MAVS: variants seen among roughly 807,000 people sequenced by gnomAD.
MAVS encodes mitochondrial antiviral signaling protein, also known as mitochondrial antiviral-signaling protein.
A neutral mutation model predicts 30.2 loss-of-function variants in MAVS; 20 were observed. That is an observed-to-expected ratio of 0.66 (90% CI 0.47 to 0.96). The LOEUF is 0.96. Ranked by LOEUF, MAVS falls within the 40% of genes least tolerant of loss-of-function variation. MAVS has a pLI of 0.00. For synonymous variants in MAVS, 278 were observed against 293.9 expected (o/e 0.95, Z 0.55); for missense variants, 624 against 701.1 (o/e 0.89, Z 1.24).
chr20:3,854,893 T>TTC (rs1417706851), intron 2 of MAVS, 152 bp downstream of exon 2: 122 of 314,354 alleles, frequency 3.9e-4, no homozygotes, highest in South Asian at 3.1e-3. Context: ...CTGCTTTTCT[T>TTC]TTTTTTTTTT....
intron 3 of MAVS, among the ~76,000 whole-genome samples, chr20:3,860,038 C>T (rs931250373): frequency 1.3e-5 from 2 of 152,070 alleles, no homozygotes; most frequent in African/African-American, 2.4e-5. Flanking sequence ...AGGATGGTCT[C>T]GATCTCCTGA....
In MAVS at chr20:3,865,830, T is replaced by C. The variant is rs2089902738; in HGVS notation, c.1306T>C (p.Phe436Leu). The change falls in exon 7 of 7, where the codon TTC becomes CTC. Residue 436 changes from phenylalanine to leucine, a missense_variant. By Grantham distance (22) the Phe-to-Leu change is conservative. Transcript: ENST00000428216. This position sits in a 1 kb window ranked among gnomAD's most constrained non-coding sequence, Gnocchi z 4.7. ...GGTAGACAGCCCGTTCTCGGGCTGCTTCGAGGATCTTGCCATCAGTGCCAG... is the reference window on the plus strand; with the variant it reads ...GGTAGACAGCCCGTTCTCGGGCTGCCTCGAGGATCTTGCCATCAGTGCCAG... ...SQVDSPFSGC[F>L]EDLAISASTS... 1 of 1,613,912 alleles carries C rather than the reference T, an allele frequency of 6.2e-7. No homozygotes were observed. The highest frequency in any genetic ancestry group is 1.7e-5 in the Admixed American group (1 of 60,006).
At chr20:3,847,094 T>G (rs1480094480) in intron 1 of MAVS, among the ~76,000 whole-genome samples, 191 bp downstream of exon 1, 1 of 152,108 alleles carries the variant, frequency 6.6e-6, no homozygotes, top group East Asian at 1.9e-4. Context: ...TCGGGAACAC[T>G]GAGGGCTCCA....
intron 1 of MAVS, among the ~76,000 whole-genome samples, chr20:3,847,498 C>A (rs1399726422): frequency 6.6e-6 from 1 of 152,234 alleles, no homozygotes; most frequent in Non-Finnish European, 1.5e-5. Context: ...AACACTCTGT[C>A]ACCTACTTCC....
In MAVS at chr20:3,871,511, CCCACTGAGGCAGGGGCTT is replaced by C. The variant is rs2089955649; in HGVS notation, c.*5370_*5387del. On this transcript the variant is annotated 3_prime_UTR_variant, in exon 7 of 7. Coordinates refer to ENST00000428216, the MANE Select transcript of MAVS (RefSeq NM_020746.5). ...ATGGGTGTGTCCAGTGGCAGTTTGC[CCCACTGAGGCAGGGGCTT>C]CCACTAGGCCCTGACAGAGCCCTTC... 6.6e-6 allele frequency: 1 copy of C among 152,488 alleles called. No individual in the cohort carries two copies. The allele number at this position is 152,488 out of a possible 1,614,324, so 9.4% of individuals were successfully genotyped here. A position where few individuals can be genotyped will look rare whatever the true frequency, so the allele number is the denominator to read the frequency against.
Position 3,866,282 on chromosome 20 carries a change from G to A in MAVS, c.*135G>A. ...GGGGAGTTAAGGGACTGCAGGCCTGGCAGCAGGACATGCCTTGGCTGAACC... is the reference window on the plus strand; with the variant it reads ...GGGGAGTTAAGGGACTGCAGGCCTGACAGCAGGACATGCCTTGGCTGAACC... On this transcript the variant is annotated 3_prime_UTR_variant, in exon 7 of 7. Coordinates refer to ENST00000428216, the MANE Select transcript of MAVS (RefSeq NM_020746.5). 1.2e-6 allele frequency: 1 copy of A among 837,564 alleles called. No individual in the cohort carries two copies. Among genetic ancestry groups the A allele is most frequent in the East Asian group, 2.7e-5 (1 of 37,310 alleles). The allele number at this position is 837,564 out of a possible 1,614,324, so 51.9% of individuals were successfully genotyped here. A position where few individuals can be genotyped will look rare whatever the true frequency, so the allele number is the denominator to read the frequency against.
chr20:3,857,552 TCCCCC>T lies in MAVS; in HGVS notation c.118-81_118-77del, dbSNP rs767040934. On this transcript the variant is annotated intron_variant, in intron 2 of 6. Coordinates refer to ENST00000428216, the MANE Select transcript of MAVS (RefSeq NM_020746.5). ...GCCCTTGTGGCTTTCTTGGCACCCC[TCCCCC>T]CGCTGTGGCTTCATTCTGGGTGGGG... 4.8e-6 allele frequency: 7 copies of T among 1,460,036 alleles called. No homozygotes were observed. The Admixed American group carries it at 1.1e-4, about 22-fold the overall frequency. The allele number at this position is 1,460,036 out of a possible 1,614,324, so 90.4% of individuals were successfully genotyped here.
chr20:3,850,410 G>A (rs1166828293), intron 1 of MAVS, among the ~76,000 whole-genome samples: 2 of 147,788 alleles, frequency 1.4e-5, no homozygotes, highest in Non-Finnish European at 3.0e-5. Flanking sequence ...CCGGAACATG[G>A]TGAAACCCTG....
Position 3,866,134 on chromosome 20 carries a change from G to A in MAVS, c.1610G>A (p.Arg537Gln), listed in dbSNP as rs1422471822. Reference protein sequence around the residue: ...VVTLLVVLYRRRLH With the variant: ...VVTLLVVLYRQRLH ...ACACTCCTGGTGGTGCTGTACCGGC[G>A]GCGTCTGCACTAGTGAAGCCCTGGG... is the stretch of plus-strand genomic sequence containing the variant. Residue 537 changes from arginine to glutamine, a missense_variant, in exon 7 of 7, where the codon CGG (arginine) becomes CAG (glutamine). By Grantham distance (43) the Arg-to-Gln change is conservative (BLOSUM62 1). Transcript: ENST00000428216. 5.0e-6 allele frequency: 8 copies of A among 1,591,620 alleles called. No homozygotes were observed. Among genetic ancestry groups the A allele is most frequent in the East Asian group, 4.5e-5 (2 of 44,568 alleles).
At position 3,871,802 on chromosome 20, in the gene MAVS, A is replaced by G. The variant is rs186729956; in HGVS notation, c.*5655A>G. The G allele has an allele frequency of 6.6e-6, 1 of 152,424 alleles. No individual in the cohort carries two copies. Among genetic ancestry groups the G allele is most frequent in the East Asian group, 1.9e-4 (1 of 5,304 alleles). 9.4% of individuals were successfully genotyped at this position (152,424 alleles called of 1,614,324 possible). A position where few individuals can be genotyped will look rare whatever the true frequency, so the allele number is the denominator to read the frequency against. ...GCTCTTTTTCTTTTAGCCCAAGGCT[A>G]TGAAGGCCTCATTCGGTGCTGGGCA... is the stretch of plus-strand genomic sequence containing the variant. On this transcript the variant is annotated 3_prime_UTR_variant, in exon 7 of 7. Coordinates refer to ENST00000428216, the MANE Select transcript of MAVS (RefSeq NM_020746.5).
At chr20:3,848,395 G>A (rs570340628) in intron 1 of MAVS, among the ~76,000 whole-genome samples, 102 of 152,258 alleles carry the variant, frequency 6.7e-4, no homozygotes, top group African/African-American at 2.2e-3. Flanking sequence ...CACCGCGCCC[G>A]GCCGAGAAAG....
At position 3,874,069 on chromosome 20, in the gene MAVS, A is replaced by ATAC. The variant is rs1421002246; in HGVS notation, c.*7927_*7929dup. On this transcript the variant is annotated 3_prime_UTR_variant, in exon 7 of 7. Coordinates refer to ENST00000428216, the MANE Select transcript of MAVS (RefSeq NM_020746.5). Reference sequence around the variant, plus strand: ...AGCTACAGTGAAGTCACAGGGTCGAATACTACTGCACAGCAACGAATATGA... The same window carrying ATAC: ...AGCTACAGTGAAGTCACAGGGTCGAATACTACTACTGCACAGCAACGAATATGA... 7 of 398,528 alleles carry ATAC rather than the reference A, an allele frequency of 1.8e-5. No individual in the cohort carries two copies. The highest frequency in any genetic ancestry group is 2.7e-5 in the Non-Finnish European group (6 of 226,088). 24.7% of individuals were successfully genotyped at this position (398,528 alleles called of 1,614,324 possible). A position where few individuals can be genotyped will look rare whatever the true frequency, so the allele number is the denominator to read the frequency against.
intron 2 of MAVS, 149 bp from the exon 3 acceptor site, chr20:3,857,486 G>T: frequency 1.2e-6 from 1 of 832,308 alleles, no homozygotes. Flanking sequence ...TCCATACCTG[G>T]CCCTGTCCTG....
At chr20:3,851,213 A>G (rs2089757049) in intron 1 of MAVS, among the ~76,000 whole-genome samples, 1 of 152,056 alleles carries the variant, frequency 6.6e-6, no homozygotes, top group African/African-American at 2.4e-5. Context: ...CCGTAATCCC[A>G]GCTACTCGGG....
intron 1 of MAVS, among the ~76,000 whole-genome samples, chr20:3,851,078 T>G (rs1164105953): frequency 1.3e-5 from 2 of 151,734 alleles, no homozygotes; most frequent in African/African-American, 4.8e-5. Flanking sequence ...CCTAGCAACT[T>G]GGGAGACCAA....
At position 3,861,407 on chromosome 20, in the gene MAVS, C is replaced by T; in HGVS notation, c.368C>T (p.Ala123Val). Residue 123 changes from alanine (A) to valine (V), a missense_variant, in exon 4 of 7, where the codon GCT becomes GTT. Physicochemically the swap from Ala to Val is moderately conservative, Grantham distance 64. Transcript: ENST00000428216. ...GAGAGGCCAGGGCCCCCCACACCTG[C>T]TGCGGCCCACAGCATCCCCTACAAC... ...PAERPGPPTP[A>V]AAHSIPYNSC... The T allele has an allele frequency of 6.2e-7, 1 of 1,614,126 alleles. No individual in the cohort carries two copies. Among genetic ancestry groups the T allele is most frequent in the Non-Finnish European group, 8.5e-7 (1 of 1,180,004 alleles).
At position 3,872,164 on chromosome 20, in the gene MAVS, A is replaced by C. The variant is rs2089960665; in HGVS notation, c.*6017A>C. 1 of 152,358 alleles carries C rather than the reference A, an allele frequency of 6.6e-6. No homozygotes were observed. The highest frequency in any genetic ancestry group is 2.1e-4 in the South Asian group (1 of 4,830). 9.4% of individuals were successfully genotyped at this position (152,358 alleles called of 1,614,324 possible). On this transcript the variant is annotated 3_prime_UTR_variant, in exon 7 of 7. Coordinates refer to ENST00000428216, the MANE Select transcript of MAVS (RefSeq NM_020746.5). ...CCACTTAAAGTGAGATTTTGGCTGG[A>C]GGTGGTGGATCATACCTATAATCCC...
Position 3,864,601 on chromosome 20 carries a change from C to T in MAVS, c.971C>T (p.Ser324Phe), listed in dbSNP as rs1254207827. The T allele has an allele frequency of 1.2e-6, 2 of 1,614,208 alleles. No individual in the cohort carries two copies. Among genetic ancestry groups the T allele is most frequent in the East Asian group, 2.2e-5 (1 of 44,880 alleles). Residue 324 changes from serine to phenylalanine, a missense_variant, in exon 6 of 7, where the codon TCC (serine) becomes TTC (phenylalanine). Physicochemically the swap from Ser to Phe is radical, Grantham distance 155. Coordinates refer to ENST00000428216, the MANE Select transcript of MAVS (RefSeq NM_020746.5). ...CCAGCATCTGTCAGCACAGTGCCCT[C>T]CAAGTTGCCAACTAGCTCAAAGCCC... Reference protein sequence around the residue: ...ANPASVSTVPSKLPTSSKPPG... With the variant: ...ANPASVSTVPFKLPTSSKPPG...
chr20:3,866,457 C>A lies in MAVS; in HGVS notation c.*310C>A. The A allele has an allele frequency of 2.3e-6, 1 of 433,794 alleles. No individual in the cohort carries two copies. Among genetic ancestry groups the A allele is most frequent in the Non-Finnish European group, 4.2e-6 (1 of 240,072 alleles). 26.9% of individuals were successfully genotyped at this position (433,794 alleles called of 1,614,324 possible). A position where few individuals can be genotyped will look rare whatever the true frequency, so the allele number is the denominator to read the frequency against. ...ATGTCCTCCAGAGGAGCTTCCTCCT[C>A]CAGGCCTCAGCCCTGTTGGCCCAGG... is the stretch of plus-strand genomic sequence containing the variant. On this transcript the variant is annotated 3_prime_UTR_variant, in exon 7 of 7. Coordinates refer to ENST00000428216, the MANE Select transcript of MAVS (RefSeq NM_020746.5).
Sources: allele counts gnomAD v4.1 joint callset (sites outside exome capture counted in the v4.1 genomes callset), GRCh38; gene constraint gnomAD v4.1.1; non-coding constraint Gnocchi (gnomAD v3.1); transcripts MANE v1.5; gene names NCBI Gene and HGNC (gene_info 2026-07-23, HGNC 2026-07-21).